The following ANOS1 variants were observed in gnomAD, a reference collection of about 807,000 sequenced individuals.
ANOS1 encodes anosmin 1, also known as anosmin-1.
ANOS1 carries 6 observed loss-of-function variants against 59.0 expected under a neutral mutation model. The observed-to-expected ratio is 0.10, with a 90% CI of 0.06 to 0.20. ANOS1 has a LOEUF of 0.20. Ranked by LOEUF, ANOS1 falls within the 10% of genes least tolerant of loss-of-function variation. The pLI is 1.00. For missense variants in ANOS1, 433 were observed against 542.3 expected (o/e 0.80, Z 2.00); for synonymous variants, 217 against 223.4 (o/e 0.97, Z 0.25).
chrX:8,554,808 TAGAC>T (rs1353649129), intron 8 of ANOS1, among the ~76,000 whole-genome samples: 1 of 109,526 alleles, frequency 9.1e-6, no homozygotes, highest in Non-Finnish European at 1.9e-5. Context: ...TTGTCAATAT[TAGAC>T]AGATCAATGA....
chrX:8,672,016 C>T (rs1932263428), intron 2 of ANOS1, among the ~76,000 whole-genome samples: 2 of 111,106 alleles, frequency 1.8e-5, no homozygotes, highest in South Asian at 7.5e-4. Context: ...CTTGACCTTA[C>T]TCCTCCTAAC....
Position 8,585,338 on chromosome X carries a change from C to A in ANOS1, c.785G>T (p.Arg262Leu), listed in dbSNP as rs751668763. The change falls in exon 6 of 14, where the codon CGA becomes CTA. Residue 262 changes from arginine to leucine, a missense_variant. By Grantham distance (102) the Arg-to-Leu change is moderately radical (BLOSUM62 -2). Coordinates refer to ENST00000262648, the MANE Select transcript of ANOS1 (RefSeq NM_000216.4). The stretch of plus-strand genomic sequence containing the variant: ...TCCATGCACATTCACAGCAGCCACT[C>A]GAAACTGGTACCATCGGCTGGGTCT... ...DIRPSRWYQFRVAAVNVHGTR... is the reference protein window; with the variant it reads ...DIRPSRWYQFLVAAVNVHGTR... 8.3e-7 allele frequency: 1 copy of A among 1,210,655 alleles called. No individual in the cohort carries two copies. The highest frequency in any genetic ancestry group is 1.1e-6 in the Non-Finnish European group (1 of 894,548).
intron 10 of ANOS1, among the ~76,000 whole-genome samples, chrX:8,538,191 T>C (rs1330558678): frequency 2.7e-5 from 3 of 112,118 alleles, no homozygotes; most frequent in Non-Finnish European, 5.6e-5. Flanking sequence ...TGCTTTTCTT[T>C]GGAAATAAAT....
intron 9 of ANOS1, among the ~76,000 whole-genome samples, chrX:8,547,741 G>A (rs996367469): frequency 1.8e-5 from 2 of 110,860 alleles, no homozygotes; most frequent in Non-Finnish European, 3.8e-5. Context: ...TTTTTTTGAC[G>A]GTGTCTCGCT....
At position 8,659,608 on chromosome X, in the gene ANOS1, TC is replaced by T. The variant is rs1180770872; in HGVS notation, c.256-35939del. Reference sequence around the variant, plus strand: ...TGCCTTCCTTCCTTCCTTCCTTCCTTCCTTCCTTCCTTCCTTCCTTCCTTCT... The same window carrying T: ...TGCCTTCCTTCCTTCCTTCCTTCCTTCTTCCTTCCTTCCTTCCTTCCTTCT... On this transcript the variant is annotated intron_variant, in intron 2 of 13. Transcript: ENST00000262648. 1.1e-4 allele frequency among the ~76,000 whole-genome samples: 11 copies of T among 96,984 alleles called. 1 individual carries two copies. The highest frequency in any genetic ancestry group is 2.8e-4 in the African/African-American group (7 of 25,071). The allele number at this position is 96,984 out of a possible 115,157, so 84.2% of individuals were successfully genotyped here. A position where few individuals can be genotyped will look rare whatever the true frequency, so the allele number is the denominator to read the frequency against.
At chrX:8,705,607 A>T in intron 1 of ANOS1, among the ~76,000 whole-genome samples, 1 of 111,531 alleles carries the variant, frequency 9.0e-6, no homozygotes, top group Admixed American at 9.6e-5. Context: ...CCCCATCACG[A>T]TCCACCTATG....
chrX:8,689,965 C>T (rs1168932504), intron 2 of ANOS1, among the ~76,000 whole-genome samples: 1 of 111,484 alleles, frequency 9.0e-6, no homozygotes, highest in African/African-American at 3.3e-5. Context: ...CAAAAGAACA[C>T]TAGTTGAAAC....
intron 6 of ANOS1, among the ~76,000 whole-genome samples, chrX:8,578,605 C>A (rs1930370494): frequency 8.9e-6 from 1 of 111,924 alleles, no homozygotes. Context: ...TGTCTGCTTC[C>A]TTTTCCTTTG....
At chrX:8,578,396 T>C (rs1003295867) in intron 6 of ANOS1, among the ~76,000 whole-genome samples, 53 of 109,433 alleles carry the variant, frequency 4.8e-4, no homozygotes, top group African/African-American at 1.7e-3. Context: ...TTTCAAGACA[T>C]ATGTACAGCC....
intron 9 of ANOS1, among the ~76,000 whole-genome samples, chrX:8,542,263 A>G (rs1929702301): frequency 9.0e-6 from 1 of 111,618 alleles, no homozygotes; most frequent in African/African-American, 3.3e-5. Flanking sequence ...TCCAAACTCA[A>G]CTTTGCTGTA....
intron 3 of ANOS1, among the ~76,000 whole-genome samples, chrX:8,619,637 T>C (rs1487403213): frequency 8.9e-6 from 1 of 111,753 alleles, no homozygotes; most frequent in African/African-American, 3.3e-5. Context: ...GAAGACATTA[T>C]TACCTCTGAC....
chrX:8,568,097 CACAT>C (rs1930151693), intron 8 of ANOS1, 131 bp downstream of exon 8: 2 of 609,716 alleles, frequency 3.3e-6, no homozygotes, highest in Admixed American at 5.3e-5. Context: ...ATACTTTAGT[CACAT>C]GCATGTGGGT....
At chrX:8,659,059 A>C (rs1266837766) in intron 2 of ANOS1, among the ~76,000 whole-genome samples, 1 of 111,118 alleles carries the variant, frequency 9.0e-6, no homozygotes, top group Admixed American at 9.5e-5. Context: ...CACTGTCTCT[A>C]CTAAAAATAC....
chrX:8,618,810 G>A (rs775208915), intron 3 of ANOS1, among the ~76,000 whole-genome samples: 8 of 111,193 alleles, frequency 7.2e-5, no homozygotes, highest in East Asian at 5.7e-4. Context: ...GGTGGCTCAC[G>A]CCTGTAATCC....
At chrX:8,699,372 TTTC>T (rs1386678528) in intron 2 of ANOS1, among the ~76,000 whole-genome samples, 1 of 111,968 alleles carries the variant, frequency 8.9e-6, no homozygotes, top group Admixed American at 9.5e-5. Flanking sequence ...CAGAGGGCAT[TTTC>T]TTCTTAATGT....
intron 9 of ANOS1, among the ~76,000 whole-genome samples, chrX:8,544,378 C>T (rs1601947818): frequency 1.1e-5 from 1 of 89,306 alleles, no homozygotes; most frequent in Middle Eastern, 5.3e-3. Context: ...GTTTTAGCAT[C>T]GGAAATGGTG....
chrX:8,587,779 A>C lies in ANOS1; in HGVS notation c.726+15T>G. The C allele has an allele frequency of 8.5e-7, 1 of 1,182,385 alleles. No individual in the cohort carries two copies. The highest frequency in any genetic ancestry group is 1.1e-6 in the Non-Finnish European group (1 of 873,769). On this transcript the variant is annotated intron_variant, in intron 5 of 13. Transcript: ENST00000262648. ...ACCTCCAGGATGAAAATCAAAGTCT[A>C]TATGAGGTTCTTACCTGGGCCACTG... is the stretch of plus-strand genomic sequence containing the variant.
At chrX:8,661,308 T>C (rs1456678534) in intron 2 of ANOS1, among the ~76,000 whole-genome samples, 2 of 111,356 alleles carry the variant, frequency 1.8e-5, no homozygotes, top group Admixed American at 9.5e-5. Context: ...AAGATCAAGG[T>C]GTGGGCAGGG....
At chrX:8,667,097 C>G (rs978702463) in intron 2 of ANOS1, among the ~76,000 whole-genome samples, 29 of 111,540 alleles carry the variant, frequency 2.6e-4, no homozygotes, top group Non-Finnish European at 4.5e-4. Flanking sequence ...AAACTCTGTC[C>G]TCCTGATGCT....
Sources: allele counts gnomAD v4.1 joint callset (sites outside exome capture counted in the v4.1 genomes callset), GRCh38; gene constraint gnomAD v4.1.1; transcripts MANE v1.5; gene names NCBI Gene and HGNC (gene_info 2026-07-23, HGNC 2026-07-21).